The following ZC3H12B variants were observed in gnomAD, a reference collection of about 807,000 sequenced individuals.
ZC3H12B encodes probable ribonuclease ZC3H12B.
Under a neutral mutation model 43.9 loss-of-function variants are expected in ZC3H12B, and 7 were observed. The observed-to-expected ratio is 0.16, with a 90% CI of 0.09 to 0.30. The LOEUF (loss-of-function observed/expected upper bound fraction) is 0.30, where lower values mean the gene tolerates loss of function less well. ZC3H12B is among the 10% of genes least tolerant of loss of function. The probability of loss-of-function intolerance (pLI) is 1.00; values close to 1 mark genes in which losing one functional copy is unlikely to be tolerated. For synonymous variants in ZC3H12B, 222 were observed against 241.7 expected (o/e 0.92, Z 0.76); for missense variants, 475 against 670.2 (o/e 0.71, Z 3.22).
At chrX:65,409,950 T>C (rs991241027) in intron 3 of ZC3H12B, among the ~76,000 whole-genome samples, 2 of 109,780 alleles carry the variant, frequency 1.8e-5, no homozygotes, top group African/African-American at 6.6e-5. Flanking sequence ...TTCACAGAAA[T>C]AGAAAAAAAT....
chrX:65,477,817 CTGTG>C (rs746164349), intron 3 of ZC3H12B, among the ~76,000 whole-genome samples: 1,838 of 92,877 alleles, frequency 0.02, 22 homozygotes, highest in East Asian at 0.09. Flanking sequence ...AAACATTCCT[CTGTG>C]TGTGTGTGTG....
chrX:65,164,464 A>G, the ZC3H12B span, among the ~76,000 whole-genome samples: 1 of 111,763 alleles, frequency 8.9e-6, no homozygotes, highest in African/African-American at 3.3e-5. Context: ...ACCTCTGGCT[A>G]CATGACTCCT....
chrX:65,236,398 G>GT, the ZC3H12B span, among the ~76,000 whole-genome samples: 48 of 111,615 alleles, frequency 4.3e-4, no homozygotes, highest in East Asian at 3.4e-3. Flanking sequence ...AAATGGGGTT[G>GT]TTTTTTTCTT....
At chrX:65,144,668 G>C in the ZC3H12B span, among the ~76,000 whole-genome samples, 5 of 111,293 alleles carry the variant, frequency 4.5e-5, no homozygotes, top group African/African-American at 1.6e-4. Flanking sequence ...GATAGGTTGT[G>C]TCACTATGGT....
chrX:65,251,820 T>A, the ZC3H12B span, among the ~76,000 whole-genome samples: 1 of 111,481 alleles, frequency 9.0e-6, no homozygotes, highest in Non-Finnish European at 1.9e-5. Flanking sequence ...GCTTATCAGC[T>A]TAAGGAAATT....
At chrX:65,329,714 A>G in the ZC3H12B span, among the ~76,000 whole-genome samples, 2 of 111,400 alleles carry the variant, frequency 1.8e-5, no homozygotes, top group Non-Finnish European at 1.9e-5. Context: ...TCCATCTTGA[A>G]TTAATTTTTT....
chrX:65,174,095 C>T, the ZC3H12B span, among the ~76,000 whole-genome samples: 5 of 111,192 alleles, frequency 4.5e-5, no homozygotes, highest in African/African-American at 1.6e-4. Context: ...AAGATTGTTG[C>T]CTGCTCCATC....
chrX:65,125,932 A>G, the ZC3H12B span, among the ~76,000 whole-genome samples: 1 of 110,404 alleles, frequency 9.1e-6, no homozygotes, highest in East Asian at 2.8e-4. Context: ...CCTCCATTCT[A>G]TGTATTTTAA....
At chrX:65,089,432 A>C in the ZC3H12B span, among the ~76,000 whole-genome samples, 3 of 112,004 alleles carry the variant, frequency 2.7e-5, no homozygotes, top group Admixed American at 1.9e-4. Flanking sequence ...TCTGTATAGG[A>C]TACCTACCAT....
At chrX:65,196,508 A>G in the ZC3H12B span, among the ~76,000 whole-genome samples, 3 of 111,472 alleles carry the variant, frequency 2.7e-5, no homozygotes, top group African/African-American at 9.8e-5. Flanking sequence ...TAAGGCTAGC[A>G]GAGCATCAGT....
At chrX:65,190,950 C>G in the ZC3H12B span, among the ~76,000 whole-genome samples, 1 of 96,359 alleles carries the variant, frequency 1.0e-5, no homozygotes, top group Non-Finnish European at 2.0e-5. Flanking sequence ...ATAGATAGCT[C>G]TTATTATTTT....
chrX:65,249,796 A>ATTT, the ZC3H12B span, among the ~76,000 whole-genome samples: 338 of 48,678 alleles, frequency 6.9e-3, no homozygotes, highest in Non-Finnish European at 0.01. Context: ...ATTCCTAAGT[A>ATTT]TTTTTTTTTT....
chrX:65,465,117 G>T (rs974985921), intron 3 of ZC3H12B, among the ~76,000 whole-genome samples: 1 of 111,142 alleles, frequency 9.0e-6, no homozygotes, highest in African/African-American at 3.3e-5. Context: ...GTTGTGGTTA[G>T]TTGGTTTGTA....
At chrX:65,229,942 G>A in the ZC3H12B span, among the ~76,000 whole-genome samples, 1 of 111,820 alleles carries the variant, frequency 8.9e-6, no homozygotes, top group African/African-American at 3.3e-5. Context: ...TGGTGGGACA[G>A]TAAACTAGTT....
chrX:65,401,362 C>T (rs946190596), intron 3 of ZC3H12B, among the ~76,000 whole-genome samples: 1 of 111,503 alleles, frequency 9.0e-6, no homozygotes, highest in African/African-American at 3.3e-5. Flanking sequence ...TGATGCATGT[C>T]GAGCTAATGG....
intron 3 of ZC3H12B, among the ~76,000 whole-genome samples, chrX:65,479,886 C>T (rs927779334): frequency 3.6e-5 from 4 of 112,272 alleles, no homozygotes; most frequent in African/African-American, 6.5e-5. Context: ...AGAATTTTAG[C>T]GAGTTTAAAT....
chrX:65,375,983 G>A (rs2066340959), intron 2 of ZC3H12B, among the ~76,000 whole-genome samples: 1 of 112,300 alleles, frequency 8.9e-6, no homozygotes, highest in Non-Finnish European at 1.9e-5. Flanking sequence ...AGAGTACCAA[G>A]TGGGCTCTTG....
At chrX:65,299,918 T>C in the ZC3H12B span, among the ~76,000 whole-genome samples, 1 of 112,278 alleles carries the variant, frequency 8.9e-6, no homozygotes, top group South Asian at 3.7e-4. Flanking sequence ...GGGAGAAGGA[T>C]TTGACCTTAC....
At chrX:65,401,094 AAAAC>A (rs2066756926) in intron 3 of ZC3H12B, among the ~76,000 whole-genome samples, 2 of 110,639 alleles carry the variant, frequency 1.8e-5, no homozygotes, top group African/African-American at 6.6e-5. Context: ...AAAAAAAAAA[AAAAC>A]ACCTTCATTA....
Sources: allele counts gnomAD v4.1 joint callset (sites outside exome capture counted in the v4.1 genomes callset), GRCh38; gene constraint gnomAD v4.1.1; transcripts MANE v1.5; gene names NCBI Gene and HGNC (gene_info 2026-07-23, HGNC 2026-07-21).